The following STMN3 variants were observed in gnomAD, a reference collection of about 807,000 sequenced individuals.
STMN3 encodes the protein stathmin 3, also known as stathmin-3.
A neutral mutation model predicts 23.2 loss-of-function variants in STMN3; 24 were observed. That is an observed-to-expected ratio of 1.03 (90% confidence interval 0.75 to 1.45). STMN3 has a LOEUF of 1.45. STMN3 is among the 40% of genes most tolerant of loss of function. STMN3 has a pLI of 0.00. For missense variants in STMN3, 235 were observed against 237.6 expected, an observed-to-expected ratio of 0.99 and a Z score of 0.07; for synonymous variants, 117 against 103.4, an observed-to-expected ratio of 1.13 and a Z score of -0.80.
rs973843329 is a variant in STMN3 at position 63,647,355 on chromosome 20, G to A, written c.20-3046C>T. ...ATGGAGGCCGGGCATGGTGGCTCAC[G>A]CCTGTAATCCCAGAACTTTGAGGGG... On this transcript the variant is annotated intron_variant, in intron 1 of 4. Transcript: ENST00000370053. Among the ~76,000 whole-genome samples, 28 of 149,046 alleles carry A rather than the reference G, an allele frequency of 1.9e-4. 1 individual carries two copies. The highest frequency in any genetic ancestry group is 6.5e-4 in the African/African-American group (26 of 40,176).
intron 4 of STMN3, among the ~76,000 whole-genome samples, chr20:63,641,645 C>T (rs1202752976): frequency 3.9e-5 from 6 of 152,214 alleles, no homozygotes; most frequent in African/African-American, 1.4e-4. Flanking sequence ...GCCGAGCTTC[C>T]TTCAGGGCAC....
At position 63,642,214 on chromosome 20, in the gene STMN3, T is replaced by C. The variant is rs2089774736; in HGVS notation, c.377A>G (p.Asn126Ser). The change falls in exon 4 of 5, where the codon AAC becomes AGC. Residue 126 changes from asparagine to serine, a missense_variant. Asn to Ser is a conservative substitution (Grantham distance 46, BLOSUM62 1). Transcript: ENST00000370053. The stretch of plus-strand genomic sequence containing the variant: ...CTCCTCCGCCTGGCGGCTGAAGTTG[T>C]TATTCTCCTCCAGCGCCTTGTGCAG... ...EVLHKALEEN[N>S]NFSRQAEEKL... 1 of 1,562,836 alleles carries C rather than the reference T, an allele frequency of 6.4e-7. No individual in the cohort carries two copies. Among genetic ancestry groups the C allele is most frequent in the Non-Finnish European group, 8.6e-7 (1 of 1,156,678 alleles).
chr20:63,646,628 C>T (rs917571289), intron 1 of STMN3, among the ~76,000 whole-genome samples: 2 of 151,958 alleles, frequency 1.3e-5, no homozygotes, highest in Non-Finnish European at 2.9e-5. Context: ...GCTGGGATTA[C>T]AGGTGTGAGC....
At chr20:63,645,563 G>C (rs1279302600) in intron 1 of STMN3, among the ~76,000 whole-genome samples, 1 of 152,238 alleles carries the variant, frequency 6.6e-6, no homozygotes, top group African/African-American at 2.4e-5. Context: ...GAAGGCGCCT[G>C]CTGTCACAGT....
At position 63,641,415 on chromosome 20, in the gene STMN3, G is replaced by A. The variant is rs757020605; in HGVS notation, c.484-18C>T. Reference sequence around the variant, plus strand: ...TGCAGCTCCTGCAGGACAGGGGGCGGGAGGGCCTGAGGGCGGGGGTGGCTT... The same window carrying A: ...TGCAGCTCCTGCAGGACAGGGGGCGAGAGGGCCTGAGGGCGGGGGTGGCTT... On this transcript the variant is annotated intron_variant, in intron 4 of 4. Transcript: ENST00000370053. The A allele has an allele frequency of 6.4e-6, 10 of 1,558,838 alleles. No individual in the cohort carries two copies. In the African/African-American group the frequency reaches 1.1e-4, roughly 17 times the overall value.
In STMN3 at chr20:63,652,776, G is replaced by A; in HGVS notation, c.19+551C>T. Reference sequence around the variant, plus strand: ...GAGGCCGCAGCGGTGTGGGGGGAGGGCGCGGTCCCCCTCACTCCGGGCTCC... The same window carrying A: ...GAGGCCGCAGCGGTGTGGGGGGAGGACGCGGTCCCCCTCACTCCGGGCTCC... On this transcript the variant is annotated intron_variant, in intron 1 of 4. Transcript: ENST00000370053. This position sits in a 1 kb window ranked among gnomAD's most constrained non-coding sequence, Gnocchi z 5.3. 1.0e-6 allele frequency: 1 copy of A among 985,910 alleles called. No homozygotes were observed. Among genetic ancestry groups the A allele is most frequent in the South Asian group, 4.7e-5 (1 of 21,282 alleles). The allele number at this position is 985,910 out of a possible 1,614,324, so 61.1% of individuals were successfully genotyped here. A position where few individuals can be genotyped will look rare whatever the true frequency, so the allele number is the denominator to read the frequency against.
intron 1 of STMN3, among the ~76,000 whole-genome samples, chr20:63,647,302 C>CA (rs60956194): frequency 0.31 from 34,771 of 112,028 alleles, 5,453 homozygotes; most frequent in African/African-American, 0.46. Flanking sequence ...ACTCCCGTCT[C>CA]AAAAAAAAAA....
intron 1 of STMN3, among the ~76,000 whole-genome samples, chr20:63,650,961 CTT>C (rs151283484): frequency 1.5e-3 from 198 of 132,916 alleles, no homozygotes; most frequent in East Asian, 1.9e-3. Context: ...CTTCTTTCTT[CTT>C]TTTTTTTTTT....
rs2089755953 is a variant in STMN3, at chr20:63,640,969, G to A, written c.*369C>T. On this transcript the variant is annotated 3_prime_UTR_variant, in exon 5 of 5. Coordinates refer to ENST00000370053, the MANE Select transcript of STMN3 (RefSeq NM_015894.4). ...GCTGGCCAGGGGCGCCGGCTCAGAG[G>A]ACCTGCCCTGACCTGCACGTGCTGA... The A allele has an allele frequency of 2.7e-6, 1 of 365,976 alleles. No individual in the cohort carries two copies. Among genetic ancestry groups the A allele is most frequent in the Non-Finnish European group, 5.2e-6 (1 of 191,618 alleles). The allele number at this position is 365,976 out of a possible 1,614,324, so 22.7% of individuals were successfully genotyped here.
At chr20:63,644,023 G>T in intron 2 of STMN3, 92 bp from the exon 3 acceptor site, 10 of 1,528,086 alleles carry the variant, frequency 6.5e-6, no homozygotes, top group Non-Finnish European at 8.8e-6. Context: ...CCAACCCCAG[G>T]GCTGGGCGAG....
chr20:63,643,297 T>C (rs1028220593), intron 3 of STMN3, among the ~76,000 whole-genome samples: 3 of 152,312 alleles, frequency 2.0e-5, no homozygotes, highest in Admixed American at 1.3e-4. Flanking sequence ...GTTTGTTTTT[T>C]GAAATGGAGT....
intron 3 of STMN3, chr20:63,643,544 G>A (rs1011680124): frequency 1.3e-4 from 100 of 776,488 alleles, no homozygotes; most frequent in Non-Finnish European, 1.6e-4. Context: ...GCTTCCCAAA[G>A]TTCTGGGATT....
intron 1 of STMN3, among the ~76,000 whole-genome samples, chr20:63,649,901 A>C (rs1407113450): frequency 6.7e-6 from 1 of 148,606 alleles, no homozygotes; most frequent in Non-Finnish European, 1.5e-5. Flanking sequence ...ATGTCGGCTC[A>C]CTGCAACCTC....
chr20:63,646,611 C>A (rs373951680), intron 1 of STMN3, among the ~76,000 whole-genome samples: 1 of 151,886 alleles, frequency 6.6e-6, no homozygotes, highest in Non-Finnish European at 1.5e-5. Flanking sequence ...CCTCGACCTC[C>A]CAAAGTGCTG....
chr20:63,649,569 C>G (rs1363491965), intron 1 of STMN3, among the ~76,000 whole-genome samples: 2 of 152,164 alleles, frequency 1.3e-5, no homozygotes, highest in Admixed American at 6.5e-5. Flanking sequence ...CTCACTCTGT[C>G]TCCCAGGCTG....
Position 63,647,936 on chromosome 20 carries a change from A to G in STMN3, c.20-3627T>C, listed in dbSNP as rs1427958456. Among the ~76,000 whole-genome samples the G allele has an allele frequency of 9.0e-4, 73 of 80,836 alleles. 2 individuals are homozygous for G. Among genetic ancestry groups the G allele is most frequent in the African/African-American group, 3.2e-3 (66 of 20,566 alleles). The allele number at this position is 80,836 out of a possible 152,430, so 53.0% of individuals were successfully genotyped here. A position where few individuals can be genotyped will look rare whatever the true frequency, so the allele number is the denominator to read the frequency against. On this transcript the variant is annotated intron_variant, in intron 1 of 4. Transcript: ENST00000370053. ...TATATATTAATATATATACGTATAT[A>G]TGTGTGTGTGTGTATATATATATGT...
At chr20:63,642,599 C>G (rs1218005930) in intron 3 of STMN3, among the ~76,000 whole-genome samples, 1 of 152,218 alleles carries the variant, frequency 6.6e-6, no homozygotes, top group African/African-American at 2.4e-5. Flanking sequence ...CCTGCCGCCA[C>G]TGCACACCCT....
At chr20:63,644,975 C>T (rs1018372794) in intron 1 of STMN3, among the ~76,000 whole-genome samples, 5 of 152,298 alleles carry the variant, frequency 3.3e-5, no homozygotes, top group African/African-American at 1.2e-4. Flanking sequence ...AGTGGCTACC[C>T]CTGCCTGTCT....
intron 3 of STMN3, among the ~76,000 whole-genome samples, chr20:63,642,780 G>A (rs1339552700): frequency 6.6e-6 from 1 of 152,182 alleles, no homozygotes. Flanking sequence ...GGTCCCCAGG[G>A]ATGCTGGGGG....
Sources: gnomAD v4.1 joint callset for allele counts (sites outside exome capture counted in the v4.1 genomes callset) on GRCh38, gnomAD v4.1.1 for gene constraint, Gnocchi (gnomAD v3.1) non-coding constraint, MANE v1.5 for transcripts, NCBI Gene and HGNC (gene_info 2026-07-23, HGNC 2026-07-21) for gene names.